The following FARP1 variants were observed in gnomAD, a reference collection of about 807,000 sequenced individuals.
FARP1 encodes FERM, ARH/RhoGEF and pleckstrin domain protein 1.
Under a neutral mutation model 128.8 loss-of-function variants are expected in FARP1, and 52 were observed. That is an observed-to-expected ratio of 0.40 (90% CI 0.32 to 0.51). FARP1 has a LOEUF of 0.51. Ranked by LOEUF, FARP1 falls within the 20% of genes least tolerant of loss-of-function variation. The pLI is 0.45. For missense variants in FARP1, 1,333 were observed against 1,367.9 expected, an observed-to-expected ratio of 0.97 and a Z score of 0.40; for synonymous variants, 580 against 551.8, an observed-to-expected ratio of 1.05 and a Z score of -0.72.
Position 98,385,629 on chromosome 13 carries a change from A to T in FARP1, c.612-38A>T, listed in dbSNP as rs371729964. On this transcript the variant is annotated intron_variant, in intron 7 of 26. Transcript: ENST00000319562. ...CAAATTAATAGATACAGGGAATTCAAATCTCCTGGCCTTTCTGTTTAATTT... is the reference window on the plus strand; with the variant it reads ...CAAATTAATAGATACAGGGAATTCATATCTCCTGGCCTTTCTGTTTAATTT... The T allele has an allele frequency of 8.1e-6, 13 of 1,609,812 alleles. No individual in the cohort carries two copies. The African/African-American group carries it at 1.2e-4, about 15-fold the overall frequency.
chr13:98,269,589 C>T (rs1271646315), intron 2 of FARP1, among the ~76,000 whole-genome samples: 1 of 152,222 alleles, frequency 6.6e-6, no homozygotes, highest in Non-Finnish European at 1.5e-5. Context: ...AGGGGCCTGT[C>T]AGGCCCAGAA....
intron 12 of FARP1, 53 bp from the exon 13 acceptor site, chr13:98,395,174 T>C (rs1363611276): frequency 6.5e-7 from 1 of 1,529,630 alleles, no homozygotes; most frequent in African/African-American, 1.4e-5. Flanking sequence ...AGCCTTGGAA[T>C]AACAGTCTCC....
chr13:98,171,362 C>T (rs540559824), intron 1 of FARP1, among the ~76,000 whole-genome samples: 36 of 152,274 alleles, frequency 2.4e-4, no homozygotes, highest in African/African-American at 7.9e-4. Flanking sequence ...TTGTTTCCCA[C>T]GCCCTTCCCC....
intron 1 of FARP1, among the ~76,000 whole-genome samples, chr13:98,153,304 T>A (rs9517199): frequency 3.5e-4 from 11 of 31,740 alleles, no homozygotes; most frequent in Admixed American, 1.2e-3. Context: ...ATAAATATAT[T>A]TATATATAAA....
intron 1 of FARP1, among the ~76,000 whole-genome samples, chr13:98,203,284 T>G (rs1294553526): frequency 6.6e-6 from 1 of 152,188 alleles, no homozygotes; most frequent in African/African-American, 2.4e-5. Context: ...CTGTTTCAGG[T>G]GTACAATTCA....
In FARP1 at chr13:98,250,946, G is replaced by A. The variant is rs927080688; in HGVS notation, c.171+37533G>A. On this transcript the variant is annotated intron_variant, in intron 2 of 26. Transcript: ENST00000319562. ...CAGTGCCTGTCTTCCCCACTTAGCTGTAAGGAGAGGGATTGTGTGGCCCCT... is the reference window on the plus strand; with the variant it reads ...CAGTGCCTGTCTTCCCCACTTAGCTATAAGGAGAGGGATTGTGTGGCCCCT... Among the ~76,000 whole-genome samples the A allele has an allele frequency of 2.0e-5, 3 of 152,168 alleles. No individual in the cohort carries two copies. The East Asian group carries it at 5.8e-4, about 29-fold the overall frequency.
chr13:98,368,173 C>G lies in FARP1; in HGVS notation c.376C>G (p.Gln126Glu). The change falls in exon 5 of 27, where the codon CAA becomes GAA. Residue 126 changes from glutamine to glutamate, a missense_variant. Physicochemically the swap from Gln to Glu is conservative, Grantham distance 29. Around this residue, in one of 2 missense-constraint regions of FARP1, gnomAD observed 324 missense variants for 398.1 expected, o/e 0.81. Transcript: ENST00000319562. ...VVKFFPPDHTQLQEELTRYLF... is the reference protein window; with the variant it reads ...VVKFFPPDHTELQEELTRYLF... Reference sequence around the variant, plus strand: ...GAAATTCTTTCCGCCTGACCACACACAACTCCAAGAAGAACTCACAAGGTT... The same window carrying G: ...GAAATTCTTTCCGCCTGACCACACAGAACTCCAAGAAGAACTCACAAGGTT... 6.2e-7 allele frequency: 1 copy of G among 1,613,814 alleles called. No individual in the cohort carries two copies.
Position 98,281,979 on chromosome 13 carries a change from A to G in FARP1, c.172-61783A>G, listed in dbSNP as rs187226252. On this transcript the variant is annotated intron_variant, in intron 2 of 26. Coordinates refer to ENST00000319562, the MANE Select transcript of FARP1 (RefSeq NM_005766.4). Reference sequence around the variant, plus strand: ...ACTTGGCAGAAATCCTCTGCCCATCAGCCGAGTACTTTACTCCTTAGTTCC... The same window carrying G: ...ACTTGGCAGAAATCCTCTGCCCATCGGCCGAGTACTTTACTCCTTAGTTCC... Among the ~76,000 whole-genome samples the G allele has an allele frequency of 3.9e-3, 597 of 152,326 alleles. 4 individuals are homozygous for G. Among genetic ancestry groups the G allele is most frequent in the African/African-American group, 0.013 (556 of 41,574 alleles).
chr13:98,302,413 G>T (rs1885961968), intron 2 of FARP1, among the ~76,000 whole-genome samples: 1 of 151,932 alleles, frequency 6.6e-6, no homozygotes, highest in East Asian at 1.9e-4. Flanking sequence ...GCCCACACCA[G>T]TGGCCAAAGA....
intron 2 of FARP1, among the ~76,000 whole-genome samples, chr13:98,227,971 T>C (rs1466322247): frequency 1.3e-5 from 2 of 152,222 alleles, no homozygotes; most frequent in Non-Finnish European, 2.9e-5. Context: ...AGCTGTCTAA[T>C]GGGTACAGAG....
chr13:98,438,173 G>A (rs1007002171), intron 19 of FARP1, among the ~76,000 whole-genome samples: 1 of 152,158 alleles, frequency 6.6e-6, no homozygotes, highest in Non-Finnish European at 1.5e-5. Context: ...GCCCCGGGGA[G>A]GATGTCACTC....
chr13:98,320,139 A>G (rs1043656566), intron 2 of FARP1, among the ~76,000 whole-genome samples: 1 of 152,138 alleles, frequency 6.6e-6, no homozygotes, highest in Non-Finnish European at 1.5e-5. Flanking sequence ...GCAGACCTGC[A>G]TGCTTAGTGT....
intron 1 of FARP1, among the ~76,000 whole-genome samples, chr13:98,146,487 CAA>C (rs1429616295): frequency 2.0e-5 from 3 of 152,236 alleles, no homozygotes; most frequent in Admixed American, 2.0e-4. Context: ...TTCGGCCTCT[CAA>C]AGTGCTGGGA....
intron 13 of FARP1, chr13:98,404,955 G>T (rs1216644042): frequency 6.6e-6 from 1 of 152,040 alleles, no homozygotes; most frequent in Non-Finnish European, 1.5e-5. Context: ...TACCTATGTG[G>T]TTAAAAACTG....
chr13:98,264,127 A>G (rs1247837893), intron 2 of FARP1, among the ~76,000 whole-genome samples: 1 of 152,194 alleles, frequency 6.6e-6, no homozygotes, highest in Non-Finnish European at 1.5e-5. Flanking sequence ...TAATGTGCTA[A>G]CCTGCAAAAC....
chr13:98,273,308 G>A (rs60288311), intron 2 of FARP1, among the ~76,000 whole-genome samples: 1,905 of 152,280 alleles, frequency 0.013, 29 homozygotes, highest in African/African-American at 0.044. Context: ...GTAGGGATGT[G>A]GGACTTAATC....
At chr13:98,390,783 C>T (rs1478407050) in intron 10 of FARP1, 29 bp from the exon 11 acceptor site, 1 of 1,564,474 alleles carries the variant, frequency 6.4e-7, no homozygotes, top group East Asian at 2.2e-5. Flanking sequence ...TGGTATTTCT[C>T]CCCTTCCCTG....
chr13:98,220,577 T>G (rs532738054), intron 2 of FARP1, among the ~76,000 whole-genome samples: 2 of 152,358 alleles, frequency 1.3e-5, no homozygotes, highest in East Asian at 3.8e-4. Context: ...TTATTTAACT[T>G]TGATAAATGG....
At chr13:98,340,683 G>A (rs1196440784) in intron 2 of FARP1, 2 of 152,156 alleles carry the variant, frequency 1.3e-5, no homozygotes, top group African/African-American at 4.8e-5. Flanking sequence ...TTTTATTGGA[G>A]TGAGAGGTGG....
Sources: gnomAD v4.1 joint callset for allele counts (sites outside exome capture counted in the v4.1 genomes callset) on GRCh38, gnomAD v4.1.1 for gene constraint, gnomAD v4.1.1 regional missense constraint, MANE v1.5 for transcripts, NCBI Gene and HGNC (gene_info 2026-07-23, HGNC 2026-07-21) for gene names.